SNX29: variants seen among roughly 807,000 people sequenced by gnomAD.
SNX29 encodes sorting nexin-29.
A neutral mutation model predicts 102.1 loss-of-function variants in SNX29; 78 were observed. The ratio of observed to expected loss-of-function variants is 0.76; its 90% CI spans 0.64 to 0.92. SNX29 has a LOEUF of 0.92. Among genes scored for constraint, SNX29 ranks in the 40% least tolerant of loss-of-function variants. The pLI, the probability that SNX29 is intolerant of heterozygous loss-of-function variation, is 0.00. For synonymous variants in SNX29, 580 were observed against 414.5 expected (o/e 1.40, Z -4.85); for missense variants, 1,280 against 1,061.7 (o/e 1.21, Z -2.86).
chr16:12,295,095 C>T (rs760476161), intron 15 of SNX29, among the ~76,000 whole-genome samples: 3 of 152,142 alleles, frequency 2.0e-5, no homozygotes, highest in South Asian at 4.1e-4. Context: ...GGAAACTGCC[C>T]CAGTGATTCA....
chr16:12,151,041 C>T (rs1026408149), intron 13 of SNX29, among the ~76,000 whole-genome samples: 3 of 152,096 alleles, frequency 2.0e-5, no homozygotes, highest in African/African-American at 7.2e-5. Flanking sequence ...TTTGTTTCTG[C>T]TTTTTATTTA....
At chr16:12,548,699 C>T (rs904058253) in intron 20 of SNX29, among the ~76,000 whole-genome samples, 9 of 152,172 alleles carry the variant, frequency 5.9e-5, no homozygotes, top group African/African-American at 1.9e-4. Flanking sequence ...CACTGCAGGG[C>T]ATTGTACTGG....
chr16:12,019,853 T>C (rs1238155099), intron 3 of SNX29, among the ~76,000 whole-genome samples: 2 of 151,962 alleles, frequency 1.3e-5, no homozygotes, highest in African/African-American at 4.8e-5. Context: ...GCCAGGCTGG[T>C]CTCAAACTCC....
intron 13 of SNX29, among the ~76,000 whole-genome samples, chr16:12,155,599 C>G (rs1567258536): frequency 6.6e-6 from 1 of 152,132 alleles, no homozygotes; most frequent in Non-Finnish European, 1.5e-5. Context: ...TGAGAGGCCG[C>G]TTTTCTATGC....
intron 1 of SNX29, among the ~76,000 whole-genome samples, chr16:11,988,845 G>A (rs562205746): frequency 2.0e-5 from 3 of 152,202 alleles, no homozygotes; most frequent in African/African-American, 7.2e-5. Flanking sequence ...TTCAATTACT[G>A]TTATCTATGG....
intron 15 of SNX29, among the ~76,000 whole-genome samples, chr16:12,328,225 T>A (rs943426816): frequency 1.3e-5 from 2 of 152,210 alleles, no homozygotes; most frequent in Non-Finnish European, 2.9e-5. Context: ...AGCTGTTGCT[T>A]TTATTATTTT....
At chr16:12,235,716 G>A (rs1344011127) in intron 14 of SNX29, among the ~76,000 whole-genome samples, 1 of 152,014 alleles carries the variant, frequency 6.6e-6, no homozygotes, top group East Asian at 1.9e-4. Flanking sequence ...TTATTGAAAG[G>A]AAACTTCATC....
intron 8 of SNX29, among the ~76,000 whole-genome samples, chr16:12,053,790 G>T (rs1203723770): frequency 6.6e-6 from 1 of 151,752 alleles, no homozygotes; most frequent in African/African-American, 2.4e-5. Context: ...GCCAGGTGCT[G>T]CAGATGATTT....
chr16:12,457,930 A>G (rs1469405320), intron 18 of SNX29, among the ~76,000 whole-genome samples: 2 of 152,210 alleles, frequency 1.3e-5, no homozygotes, highest in Non-Finnish European at 2.9e-5. Context: ...ATCTCTTTAA[A>G]CATACATTAG....
At chr16:12,031,009 G>A (rs2057326802) in intron 4 of SNX29, among the ~76,000 whole-genome samples, 1 of 152,148 alleles carries the variant, frequency 6.6e-6, no homozygotes, top group South Asian at 2.1e-4. Flanking sequence ...GTGTGGGGCA[G>A]GGCCTTCAGT....
At position 11,985,675 on chromosome 16, in the gene SNX29, C is replaced by T. The variant is rs113405692; in HGVS notation, c.7+8862C>T. ...TGGAGCCTGTGGCTGGGAGTCCATC[C>T]TACTAAATTGTCTGGATGGAGGATG... On this transcript the variant is annotated intron_variant, in intron 1 of 20. Coordinates refer to ENST00000566228, the MANE Select transcript of SNX29 (RefSeq NM_032167.5). Among the ~76,000 whole-genome samples the T allele has an allele frequency of 6.4e-3, 976 of 152,186 alleles. 12 individuals are homozygous for T. Among genetic ancestry groups the T allele is most frequent in the African/African-American group, 0.023 (942 of 41,534 alleles).
At chr16:12,281,337 C>G (rs2079423975) in intron 15 of SNX29, among the ~76,000 whole-genome samples, 1 of 152,180 alleles carries the variant, frequency 6.6e-6, no homozygotes, top group Non-Finnish European at 1.5e-5. Context: ...GCCAACTCAT[C>G]TATCTGCACA....
At chr16:12,405,461 G>T (rs984249076) in intron 18 of SNX29, among the ~76,000 whole-genome samples, 2 of 152,180 alleles carry the variant, frequency 1.3e-5, no homozygotes, top group African/African-American at 2.4e-5. Flanking sequence ...AGGCCTGGCC[G>T]CTCTGCATCG....
At chr16:12,441,030 C>T (rs2085776756) in intron 18 of SNX29, among the ~76,000 whole-genome samples, 1 of 150,998 alleles carries the variant, frequency 6.6e-6, no homozygotes, top group Non-Finnish European at 1.5e-5. Flanking sequence ...TGGCTTCTTT[C>T]ACTTAGCGTA....
At chr16:12,054,092 C>G (rs1419416317) in intron 8 of SNX29, among the ~76,000 whole-genome samples, 1 of 152,000 alleles carries the variant, frequency 6.6e-6, no homozygotes, top group Non-Finnish European at 1.5e-5. Flanking sequence ...CTCAGCCTCC[C>G]GAGTAGCTGG....
chr16:12,421,377 T>G (rs139915917), intron 18 of SNX29, among the ~76,000 whole-genome samples: 82 of 152,316 alleles, frequency 5.4e-4, no homozygotes, highest in African/African-American at 1.3e-3. Context: ...CAAAGGAGGT[T>G]TGGAGACCAA....
chr16:12,448,952 C>A (rs1336062402), intron 18 of SNX29, among the ~76,000 whole-genome samples: 2 of 152,220 alleles, frequency 1.3e-5, no homozygotes, highest in Non-Finnish European at 2.9e-5. Context: ...GTGATTATCT[C>A]TCCAAGCTAG....
intron 14 of SNX29, among the ~76,000 whole-genome samples, chr16:12,265,907 A>G (rs2078914670): frequency 6.6e-6 from 1 of 151,866 alleles, no homozygotes. Flanking sequence ...GAAAACTCTC[A>G]TATCTTTGAC....
intron 13 of SNX29, among the ~76,000 whole-genome samples, chr16:12,138,591 GTAAAA>G (rs1396652342): frequency 6.8e-6 from 1 of 148,056 alleles, no homozygotes; most frequent in East Asian, 2.1e-4. Context: ...AATTCATAAT[GTAAAA>G]TAAAACAAAA....
Sources: allele counts gnomAD v4.1 joint callset (sites outside exome capture counted in the v4.1 genomes callset), GRCh38; gene constraint gnomAD v4.1.1; transcripts MANE v1.5; gene names NCBI Gene and HGNC (gene_info 2026-07-23, HGNC 2026-07-21).